The following MAPRE2 variants were observed in gnomAD, a reference collection of about 807,000 sequenced individuals.
The protein encoded by MAPRE2 is microtubule associated protein RP/EB family member 2, also known as microtubule-associated protein RP/EB family member 2.
Under a neutral mutation model 43.2 loss-of-function variants are expected in MAPRE2, and 13 were observed. That is an observed-to-expected ratio of 0.30 (90% CI 0.20 to 0.48). MAPRE2 has a LOEUF of 0.48. MAPRE2 is among the 20% of genes least tolerant of loss of function. The probability of loss-of-function intolerance (pLI) is 0.99; values close to 1 mark genes in which losing one functional copy is unlikely to be tolerated. For missense variants in MAPRE2, 161 were observed against 400.2 expected (o/e 0.40, Z 5.10); for synonymous variants, 135 against 148.8 (o/e 0.91, Z 0.68).
chr18:35,103,790 A>T (rs535962070), intron 4 of MAPRE2, among the ~76,000 whole-genome samples: 1 of 152,196 alleles, frequency 6.6e-6, no homozygotes, highest in African/African-American at 2.4e-5. Flanking sequence ...ATGGTCAACA[A>T]TGTCTACATC....
At chr18:35,008,770 C>T (rs1359369126) in intron 2 of MAPRE2, among the ~76,000 whole-genome samples, 1 of 152,078 alleles carries the variant, frequency 6.6e-6, no homozygotes, top group Non-Finnish European at 1.5e-5. Context: ...CAAGGACAGA[C>T]CATTTTTATG....
chr18:35,085,978 A>G (rs1332194669), intron 2 of MAPRE2, among the ~76,000 whole-genome samples: 1 of 152,202 alleles, frequency 6.6e-6, no homozygotes, highest in South Asian at 2.1e-4. Context: ...CACATCATGA[A>G]GAGTATGATC....
intron 5 of MAPRE2, among the ~76,000 whole-genome samples, chr18:35,127,942 C>T (rs1203026944): frequency 6.6e-6 from 1 of 152,162 alleles, no homozygotes; most frequent in African/African-American, 2.4e-5. Flanking sequence ...GAGGGCCCAT[C>T]GAGGAGAGCC....
At chr18:35,095,394 A>ACACACACACACACG (rs1555917952) in intron 2 of MAPRE2, among the ~76,000 whole-genome samples, 1 of 145,490 alleles carries the variant, frequency 6.9e-6, no homozygotes, top group South Asian at 2.2e-4. Context: ...ACACACACAC[A>ACACACACACACACG]CACACACGCA....
intron 1 of MAPRE2, among the ~76,000 whole-genome samples, chr18:34,977,874 G>A (rs542519177): frequency 1.4e-4 from 22 of 152,324 alleles, no homozygotes; most frequent in Admixed American, 1.4e-3. Flanking sequence ...AGAGCCAGGA[G>A]AGGGGTGGAC....
chr18:35,028,899 A>G (rs1057410778), intron 2 of MAPRE2, among the ~76,000 whole-genome samples: 16 of 152,224 alleles, frequency 1.1e-4, no homozygotes, highest in Non-Finnish European at 2.2e-4. Flanking sequence ...TCTATCAGCT[A>G]ACTATTAACT....
In MAPRE2 at chr18:35,089,161, A is replaced by G. The variant is rs77082610; in HGVS notation, c.251-8285A>G. Among the ~76,000 whole-genome samples the G allele has an allele frequency of 6.4e-3, 982 of 152,320 alleles. 11 individuals carry two copies. The highest frequency in any genetic ancestry group is 0.022 in the African/African-American group (919 of 41,566). On this transcript the variant is annotated intron_variant, in intron 2 of 6. Transcript: ENST00000300249. ...CAGTGAGTAAGAGGAGACGTGACCC[A>G]GAGCACAAGTAGAGAGTTGAACTTT...
upstream of MAPRE2, among the ~76,000 whole-genome samples, chr18:35,037,563 T>G (rs1289228999): frequency 2.6e-5 from 4 of 152,178 alleles, no homozygotes; most frequent in African/African-American, 9.7e-5. Context: ...AGCACATGCT[T>G]TATTTTAGAT....
chr18:35,106,698 T>G (rs975983462), intron 4 of MAPRE2, among the ~76,000 whole-genome samples: 1 of 152,194 alleles, frequency 6.6e-6, no homozygotes, highest in African/African-American at 2.4e-5. Flanking sequence ...CTGTGGCTTC[T>G]CTGTGTGTCG....
At chr18:35,003,339 G>C (rs1474317760) in intron 1 of MAPRE2, among the ~76,000 whole-genome samples, 3 of 152,182 alleles carry the variant, frequency 2.0e-5, no homozygotes, top group Non-Finnish European at 2.9e-5. Flanking sequence ...AAAGAGAAAG[G>C]AGATAGATAC....
intron 1 of MAPRE2, among the ~76,000 whole-genome samples, chr18:35,042,579 G>C (rs1459247100): frequency 2.0e-5 from 3 of 152,230 alleles, no homozygotes; most frequent in Non-Finnish European, 2.9e-5. Context: ...AATGCAGCTA[G>C]AGTCTTATGC....
chr18:35,058,809 C>T (rs1340795254), intron 1 of MAPRE2, among the ~76,000 whole-genome samples: 3 of 152,298 alleles, frequency 2.0e-5, no homozygotes, highest in African/African-American at 7.2e-5. Context: ...TTATTAAAGA[C>T]CACAATTGTG....
intron 1 of MAPRE2, among the ~76,000 whole-genome samples, chr18:35,045,001 C>G (rs1905550518): frequency 6.6e-6 from 1 of 152,198 alleles, no homozygotes; most frequent in Admixed American, 6.5e-5. Context: ...AGCAAGCTTC[C>G]TTTAGAAAAT....
chr18:34,993,477 G>A (rs561563253), intron 1 of MAPRE2, among the ~76,000 whole-genome samples: 2 of 152,176 alleles, frequency 1.3e-5, no homozygotes, highest in African/African-American at 4.8e-5. Context: ...AAAACACAGG[G>A]AGTGAACCAA....
chr18:35,109,760 T>G (rs1444351341), intron 4 of MAPRE2, among the ~76,000 whole-genome samples: 1 of 152,178 alleles, frequency 6.6e-6, no homozygotes, highest in African/African-American at 2.4e-5. Flanking sequence ...GCTTTTTTAT[T>G]CATTCTGATA....
intron 6 of MAPRE2, among the ~76,000 whole-genome samples, chr18:35,136,780 T>C (rs180893361): frequency 8.5e-4 from 129 of 152,350 alleles, no homozygotes; most frequent in African/African-American, 3.0e-3. Context: ...CCTCCCACAG[T>C]GGCCTAGAGC....
chr18:35,134,260 T>C (rs1910289606), intron 6 of MAPRE2, among the ~76,000 whole-genome samples: 1 of 152,214 alleles, frequency 6.6e-6, no homozygotes, highest in African/African-American at 2.4e-5. Context: ...ATTTGAACCC[T>C]GAAATCTGAA....
chr18:35,076,226 CTGGGGA>C (rs1907344599), intron 2 of MAPRE2, among the ~76,000 whole-genome samples: 1 of 152,138 alleles, frequency 6.6e-6, no homozygotes, highest in Non-Finnish European at 1.5e-5. Context: ...GGGCTAGGCC[CTGGGGA>C]CCCAGCGATA....
At chr18:35,134,562 C>T (rs1197840263) in intron 6 of MAPRE2, among the ~76,000 whole-genome samples, 1 of 152,216 alleles carries the variant, frequency 6.6e-6, no homozygotes, top group African/African-American at 2.4e-5. Flanking sequence ...AGTTACCTCC[C>T]TCGCCGAGTG....
Sources: gnomAD v4.1 joint callset for allele counts (sites outside exome capture counted in the v4.1 genomes callset) on GRCh38, gnomAD v4.1.1 for gene constraint, MANE v1.5 for transcripts, NCBI Gene and HGNC (gene_info 2026-07-23, HGNC 2026-07-21) for gene names.